The following IRX2 variants were observed in gnomAD, a reference collection of about 807,000 sequenced individuals.
IRX2 encodes iroquois homeobox 2, also known as iroquois-class homeodomain protein IRX-2.
Under a neutral mutation model 42.9 loss-of-function variants are expected in IRX2, and 26 were observed. The ratio of observed to expected loss-of-function variants is 0.61; its 90% confidence interval spans 0.44 to 0.84. The LOEUF is 0.84. Ranked by LOEUF, IRX2 falls within the 40% of genes least tolerant of loss-of-function variation. IRX2 has a pLI of 0.00. For missense variants in IRX2, 782 were observed against 713.9 expected (o/e 1.10, Z -1.09); for synonymous variants, 424 against 353.9 (o/e 1.20, Z -2.22).
chr5:2,741,528 T>C (rs1200425768), downstream of IRX2, among the ~76,000 whole-genome samples: 2 of 152,216 alleles, frequency 1.3e-5, no homozygotes, highest in African/African-American at 2.4e-5. Flanking sequence ...AGCTCTTCTT[T>C]GAATTTATTA....
At chr5:2,747,714 C>G (rs1737724905) in intron 3 of IRX2, 98 bp from the exon 4 acceptor site, 3 of 1,249,614 alleles carry the variant, frequency 2.4e-6, no homozygotes, top group Admixed American at 3.6e-5. Context: ...AGGCAAACAG[C>G]AGTTTGGGAA....
chr5:2,749,467 G>A lies in IRX2; in HGVS notation c.570C>T (p.Asp190=), dbSNP rs769865064. ...WAPRNKSEDE[D]EDEGDATRSK... is the part of the protein sequence containing the mutation. The stretch of plus-strand genomic sequence containing the variant: ...TTCTGGTAGCGTCGCCCTCGTCCTC[G>A]TCCTCATCTTCGCTTTTGTTTCTCG... Residue 190 remains aspartate (D), a synonymous_variant, in exon 2 of 4, where the codon GAC becomes GAT. Coordinates refer to ENST00000302057, the MANE Select transcript of IRX2 (RefSeq NM_033267.5). The A allele has an allele frequency of 3.1e-6, 5 of 1,614,198 alleles. No individual in the cohort carries two copies. Among genetic ancestry groups the A allele is most frequent in the Admixed American group, 1.7e-5 (1 of 60,032 alleles).
intron 3 of IRX2, among the ~76,000 whole-genome samples, chr5:2,747,974 C>T (rs1038160249): frequency 6.6e-6 from 1 of 152,144 alleles, no homozygotes; most frequent in Non-Finnish European, 1.5e-5. Context: ...CTCTAGCCAA[C>T]GGCAGAAAAG....
At chr5:2,749,833 G>A (rs1226321526) in intron 1 of IRX2, 46 bp from the exon 2 acceptor site, 3 of 1,531,968 alleles carry the variant, frequency 2.0e-6, no homozygotes, top group East Asian at 2.3e-5. Context: ...GAGACCCCGC[G>A]GGCAACCAGC....
Position 2,751,358 on chromosome 5 carries a change from G to T in IRX2, c.56C>A (p.Ser19Ter). ...YQAPGSLALY[S>*]CPAYGASALA... ...AGCCGACGCGCCGTAGGCCGGGCAC[G>T]AGTAGAGCGCCAGCGAGCCGGGCGC... The change falls in exon 1 of 4, where the codon TCG becomes TAG. Residue 19 changes from serine to a stop codon, truncating the protein, a stop_gained. Coordinates refer to ENST00000302057, the MANE Select transcript of IRX2 (RefSeq NM_033267.5). LOFTEE classifies it high-confidence loss of function. The surrounding 1 kb of genome is among the most constrained non-coding windows in gnomAD (Gnocchi z 4.0). 1 of 1,434,812 alleles carries T rather than the reference G, an allele frequency of 7.0e-7. No homozygotes were observed. The highest frequency in any genetic ancestry group is 1.3e-5 in the South Asian group (1 of 75,450). 88.9% of individuals were successfully genotyped at this position (1,434,812 alleles called of 1,614,324 possible).
chr5:2,737,770 TA>T, the IRX2 span: 1 of 152,318 alleles, frequency 6.6e-6, no homozygotes, highest in Non-Finnish European at 1.5e-5. Flanking sequence ...CCAGTTCTTG[TA>T]GGAAGTGGCC....
intron 3 of IRX2, among the ~76,000 whole-genome samples, 171 bp from the exon 4 acceptor site, chr5:2,747,787 T>TC (rs764815461): frequency 4.6e-5 from 7 of 152,026 alleles, no homozygotes; most frequent in African/African-American, 1.5e-4. Flanking sequence ...GTTCTTAACT[T>TC]CCCCCCTTGA....
the IRX2 span, among the ~76,000 whole-genome samples, chr5:2,738,858 G>A: frequency 6.6e-6 from 1 of 152,228 alleles, no homozygotes; most frequent in Non-Finnish European, 1.5e-5. Flanking sequence ...GTCGCGGAGG[G>A]TGAAGCCAAT....
chr5:2,751,126 G>T lies in IRX2; in HGVS notation c.249+39C>A. 8.2e-7 allele frequency: 1 copy of T among 1,214,346 alleles called. No homozygotes were observed. The highest frequency in any genetic ancestry group is 3.5e-5 in the South Asian group (1 of 28,456). The allele number at this position is 1,214,346 out of a possible 1,614,324, so 75.2% of individuals were successfully genotyped here. A position where few individuals can be genotyped will look rare whatever the true frequency, so the allele number is the denominator to read the frequency against. Reference sequence around the variant, plus strand: ...TCCGCCTGAGCCCCGTCTGGGTCCCGGCGCCCAGGAGTCCCGCGTCCCGCC... The same window carrying T: ...TCCGCCTGAGCCCCGTCTGGGTCCCTGCGCCCAGGAGTCCCGCGTCCCGCC... On this transcript the variant is annotated intron_variant, in intron 1 of 3. Transcript: ENST00000302057. This position sits in a 1 kb window ranked among gnomAD's most constrained non-coding sequence, Gnocchi z 4.0.
chr5:2,742,748 G>A (rs1315266885), downstream of IRX2, among the ~76,000 whole-genome samples: 1 of 152,124 alleles, frequency 6.6e-6, no homozygotes, highest in South Asian at 2.1e-4. Context: ...ATTCACTTCA[G>A]AGTGTTATTG....
intron 3 of IRX2, 51 bp from the exon 4 acceptor site, chr5:2,747,667 T>G: frequency 6.3e-7 from 1 of 1,579,400 alleles, no homozygotes. Context: ...GCCTGCTGGC[T>G]GCGCAGACCA....
chr5:2,742,755 ATTGAAAT>A (rs1332458733), downstream of IRX2, among the ~76,000 whole-genome samples: 4 of 152,170 alleles, frequency 2.6e-5, no homozygotes, highest in Non-Finnish European at 4.4e-5. Flanking sequence ...TCAGAGTGTT[ATTGAAAT>A]TTGAAAATGC....
chr5:2,747,624 G>A lies in IRX2; in HGVS notation c.1364-8C>T, dbSNP rs1383019673. On this transcript the variant is annotated splice_region_variant and splice_polypyrimidine_tract_variant and intron_variant, in intron 3 of 3. Coordinates refer to ENST00000302057, the MANE Select transcript of IRX2 (RefSeq NM_033267.5). ...TGCAGCCCTCGCTGGCATCTGTCAGGGGAGTGGGCAGTTAGTCAGAACCGA... is the reference window on the plus strand; with the variant it reads ...TGCAGCCCTCGCTGGCATCTGTCAGAGGAGTGGGCAGTTAGTCAGAACCGA... 6.8e-6 allele frequency: 11 copies of A among 1,613,710 alleles called. No homozygotes were observed. The highest frequency in any genetic ancestry group is 7.6e-6 in the Non-Finnish European group (9 of 1,179,890).
Position 2,748,906 on chromosome 5 carries a change from C to A in IRX2, c.802G>T (p.Asp268Tyr). 2 of 1,596,308 alleles carry A rather than the reference C, an allele frequency of 1.3e-6. No individual in the cohort carries two copies. Among genetic ancestry groups the A allele is most frequent in the Middle Eastern group, 1.7e-4 (1 of 6,052 alleles). Residue 268 changes from aspartate to tyrosine, a missense_variant, in exon 3 of 4, where the codon GAC becomes TAC. Physicochemically the swap from Asp to Tyr is radical, Grantham distance 160. Transcript: ENST00000302057. Reference sequence around the variant, plus strand: ...CCCCGCTCGCCCTCCTCGTCGTCGTCCTCGTCGTCCTCCAGGTCGTCATAC... The same window carrying A: ...CCCCGCTCGCCCTCCTCGTCGTCGTACTCGTCGTCCTCCAGGTCGTCATAC... ...DKYDDLEDDEDDDEEGERGLA... is the reference protein window; with the variant it reads ...DKYDDLEDDEYDDEEGERGLA...
rs1737689711 is a variant in IRX2, at chr5:2,746,970, G to A, written c.*594C>T. On this transcript the variant is annotated 3_prime_UTR_variant, in exon 4 of 4. Coordinates refer to ENST00000302057, the MANE Select transcript of IRX2 (RefSeq NM_033267.5). ...ATACTGTTGTGAGCCCCGGGAGAAT[G>A]TCAGAGTCCTGTCCACTTGGACATG... 1 of 152,312 alleles carries A rather than the reference G, an allele frequency of 6.6e-6. No homozygotes were observed. Among genetic ancestry groups the A allele is most frequent in the Non-Finnish European group, 1.5e-5 (1 of 68,044 alleles). 9.4% of individuals were successfully genotyped at this position (152,312 alleles called of 1,614,324 possible).
the IRX2 span, among the ~76,000 whole-genome samples, chr5:2,739,449 C>T: frequency 6.6e-6 from 1 of 152,228 alleles, no homozygotes; most frequent in Non-Finnish European, 1.5e-5. Flanking sequence ...GGTGGAAAAG[C>T]GCTGGGCAGG....
In IRX2 at chr5:2,749,460, C is replaced by T. The variant is rs913850746; in HGVS notation, c.577G>A (p.Glu193Lys). ...TCCTTGCTTCTGGTAGCGTCGCCCT[C>T]GTCCTCGTCCTCATCTTCGCTTTTG... ...RNKSEDEDED[E>K]GDATRSKDES... is the part of the protein sequence containing the mutation. Residue 193 changes from glutamate to lysine, a missense_variant, in exon 2 of 4, where the codon GAG becomes AAG. Coordinates refer to ENST00000302057, the MANE Select transcript of IRX2 (RefSeq NM_033267.5). 6.2e-7 allele frequency: 1 copy of T among 1,614,188 alleles called. No homozygotes were observed. Among genetic ancestry groups the T allele is most frequent in the Non-Finnish European group, 8.5e-7 (1 of 1,180,018 alleles).
At chr5:2,744,107 TGTGTG>T (rs1737606715), downstream of IRX2, among the ~76,000 whole-genome samples, 1 of 151,270 alleles carries the variant, frequency 6.6e-6, no homozygotes, top group Non-Finnish European at 1.5e-5. Context: ...TGTGTGTGTG[TGTGTG>T]TGTGTGTTGA....
the IRX2 span, chr5:2,737,611 A>C: frequency 6.6e-6 from 1 of 152,204 alleles, no homozygotes; most frequent in Non-Finnish European, 1.5e-5. Context: ...GTGAGCACCC[A>C]CTTCCCCAGC....
Sources: gnomAD v4.1 joint callset for allele counts (sites outside exome capture counted in the v4.1 genomes callset) on GRCh38, gnomAD v4.1.1 for gene constraint, Gnocchi (gnomAD v3.1) non-coding constraint, MANE v1.5 for transcripts, NCBI Gene and HGNC (gene_info 2026-07-23, HGNC 2026-07-21) for gene names.